Variants in TMEM117 observed in about 807,000 individuals in gnomAD.
The protein encoded by TMEM117 is transmembrane protein 117.
Under a neutral mutation model 52.4 loss-of-function variants are expected in TMEM117, and 27 were observed. That is an observed-to-expected ratio of 0.51 (90% CI 0.38 to 0.71). TMEM117 has a LOEUF of 0.71. TMEM117 is among the 30% of genes least tolerant of loss of function. The pLI, the probability that TMEM117 is intolerant of heterozygous loss-of-function variation, is 0.00. For missense variants in TMEM117, 556 were observed against 630.5 expected (o/e 0.88, Z 1.26); for synonymous variants, 215 against 206.3 (o/e 1.04, Z -0.36).
rs1952115320 is a variant in TMEM117 at position 44,388,082 on chromosome 12, TG to T, written c.957del (p.Trp319Ter). On this transcript the variant is annotated frameshift_variant, in exon 8 of 8. Transcript: ENST00000266534. LOFTEE classifies it high-confidence loss of function. ...CGTCTTGATTTTGGATCTTAATATG[TG>T]GAAGAACCAAATATTTTATAAACCT... ...FLVLILDLNM[W>X]KNQIFYKPHE... The T allele has an allele frequency of 2.5e-6, 4 of 1,612,668 alleles. No homozygotes were observed. Among genetic ancestry groups the T allele is most frequent in the Non-Finnish European group, 2.5e-6 (3 of 1,179,306 alleles).
the TMEM117 span, among the ~76,000 whole-genome samples, chr12:43,810,682 C>T: frequency 6.6e-6 from 1 of 152,152 alleles, no homozygotes; most frequent in Non-Finnish European, 1.5e-5. Flanking sequence ...CAGGGATGCT[C>T]AGTGAGATTA....
At chr12:44,101,256 T>C (rs543050367) in intron 3 of TMEM117, among the ~76,000 whole-genome samples, 23 of 151,496 alleles carry the variant, frequency 1.5e-4, no homozygotes, top group African/African-American at 4.9e-4. Flanking sequence ...CATAATCCTA[T>C]GTTGAAACCT....
chr12:44,028,275 A>G (rs1946576568), intron 3 of TMEM117, among the ~76,000 whole-genome samples: 1 of 152,140 alleles, frequency 6.6e-6, no homozygotes, highest in South Asian at 2.1e-4. Context: ...TCTGGAACAA[A>G]GGCATGGGGT....
chr12:43,874,060 A>C (rs1731438), intron 2 of TMEM117, among the ~76,000 whole-genome samples: 111,210 of 151,858 alleles, frequency 0.73, 43,730 homozygotes, highest in East Asian at 0.94. Context: ...CTTTTCATTT[A>C]TTTATTCTGT....
At chr12:44,181,414 A>G (rs1253625718) in intron 4 of TMEM117, among the ~76,000 whole-genome samples, 1 of 151,874 alleles carries the variant, frequency 6.6e-6, no homozygotes, top group Non-Finnish European at 1.5e-5. Context: ...TGTTTTAGAC[A>G]TGAAGTCCTT....
chr12:44,074,800 A>G (rs1001305759), intron 3 of TMEM117, among the ~76,000 whole-genome samples: 3 of 152,188 alleles, frequency 2.0e-5, no homozygotes, highest in Non-Finnish European at 4.4e-5. Flanking sequence ...TCAGAGGAGG[A>G]GGCAAATTCA....
chr12:44,151,867 A>C (rs1365865124), intron 4 of TMEM117, among the ~76,000 whole-genome samples: 1 of 131,806 alleles, frequency 7.6e-6, no homozygotes, highest in Non-Finnish European at 1.6e-5. Context: ...ATTATATTTA[A>C]TATATTATAT....
intron 2 of TMEM117, among the ~76,000 whole-genome samples, chr12:43,933,771 C>T (rs980176730): frequency 2.6e-4 from 40 of 152,096 alleles, no homozygotes; most frequent in African/African-American, 9.2e-4. Flanking sequence ...CTGTGTTGGC[C>T]AGGATGGTCT....
At chr12:44,097,465 C>G (rs1337852900) in intron 3 of TMEM117, among the ~76,000 whole-genome samples, 1 of 152,068 alleles carries the variant, frequency 6.6e-6, no homozygotes, top group East Asian at 1.9e-4. Context: ...GGAACCAACC[C>G]AAATGTCCAA....
chr12:44,059,815 C>T (rs768164281), intron 3 of TMEM117, among the ~76,000 whole-genome samples: 1 of 152,136 alleles, frequency 6.6e-6, no homozygotes, highest in Non-Finnish European at 1.5e-5. Context: ...TTTGACATGC[C>T]TATGGGCATG....
intron 2 of TMEM117, among the ~76,000 whole-genome samples, chr12:43,894,770 A>G (rs942734173): frequency 6.6e-6 from 1 of 151,816 alleles, no homozygotes; most frequent in Non-Finnish European, 1.5e-5. Flanking sequence ...GTGTATGTAC[A>G]TTTTCTTTAT....
chr12:44,192,942 G>A (rs188400820), intron 4 of TMEM117, among the ~76,000 whole-genome samples: 1 of 152,174 alleles, frequency 6.6e-6, no homozygotes, highest in Admixed American at 6.5e-5. Context: ...TGAAAACTTG[G>A]TTAGCCTTTC....
intron 2 of TMEM117, among the ~76,000 whole-genome samples, chr12:43,846,849 G>A (rs7305609): frequency 0.31 from 46,605 of 152,002 alleles, 11,466 homozygotes; most frequent in African/African-American, 0.69. Context: ...ATAACTATCC[G>A]TACACACACA....
intron 3 of TMEM117, among the ~76,000 whole-genome samples, chr12:44,075,804 G>T (rs1947373198): frequency 6.6e-6 from 1 of 152,166 alleles, no homozygotes; most frequent in African/African-American, 2.4e-5. Context: ...ATATCTAGGA[G>T]ACATTAGGAG....
chr12:44,260,118 A>G (rs373728113), intron 5 of TMEM117, among the ~76,000 whole-genome samples: 3 of 152,166 alleles, frequency 2.0e-5, no homozygotes, highest in East Asian at 1.9e-4. Flanking sequence ...GCGTCTTTCC[A>G]TGACACTTAG....
At chr12:44,363,374 C>G (rs1335497133) in intron 6 of TMEM117, among the ~76,000 whole-genome samples, 1 of 152,150 alleles carries the variant, frequency 6.6e-6, no homozygotes, top group Non-Finnish European at 1.5e-5. Context: ...GCATCAATTA[C>G]AGTACCCAGC....
chr12:44,297,672 C>G (rs1464935817), intron 5 of TMEM117, among the ~76,000 whole-genome samples: 2 of 152,070 alleles, frequency 1.3e-5, no homozygotes, highest in African/African-American at 4.8e-5. Flanking sequence ...GAATAATAAT[C>G]AATATTTATT....
At chr12:43,813,231 G>GTTTTTTT in the TMEM117 span, among the ~76,000 whole-genome samples, 14 of 62,668 alleles carry the variant, frequency 2.2e-4, no homozygotes, top group African/African-American at 2.9e-4. Flanking sequence ...GTTTTCTCTT[G>GTTTTTTT]TTTTTTTTTT....
At chr12:43,951,674 G>A (rs992803598) in intron 3 of TMEM117, among the ~76,000 whole-genome samples, 2 of 152,142 alleles carry the variant, frequency 1.3e-5, no homozygotes, top group African/African-American at 4.8e-5. Context: ...GGGAGGGGTG[G>A]CCGTGGTCTC....
Sources: allele counts gnomAD v4.1 joint callset (sites outside exome capture counted in the v4.1 genomes callset), GRCh38; gene constraint gnomAD v4.1.1; transcripts MANE v1.5; gene names NCBI Gene and HGNC (gene_info 2026-07-23, HGNC 2026-07-21).